The following RALB variants were observed in gnomAD, a reference collection of about 807,000 sequenced individuals.
RALB encodes the protein ras-related protein Ral-B.
RALB carries 16 observed loss-of-function variants against 21.3 expected under a neutral mutation model. The ratio of observed to expected loss-of-function variants is 0.75; its 90% CI spans 0.51 to 1.14. The LOEUF is 1.14. Ranked by LOEUF, RALB falls within the 50% of genes most tolerant of loss-of-function variation. The probability of loss-of-function intolerance (pLI) is 0.00; values close to 1 mark genes in which losing one functional copy is unlikely to be tolerated. For missense variants in RALB, 161 were observed against 256.2 expected, an observed-to-expected ratio of 0.63 and a Z score of 2.54; for synonymous variants, 93 against 96.1, an observed-to-expected ratio of 0.97 and a Z score of 0.19.
At chr2:120,259,528 T>A (rs1689292629) in intron 1 of RALB, among the ~76,000 whole-genome samples, 1 of 152,192 alleles carries the variant, frequency 6.6e-6, no homozygotes, top group African/African-American at 2.4e-5. Flanking sequence ...ACGTAAAGAC[T>A]CTCCACGTCC....
rs1444824240 is a variant in RALB at position 120,282,555 on chromosome 2, G to A, written c.115-3319G>A. ...GGTCTGGAGGTTTCTGGGTGTGTGT[G>A]TGTTGGGGAGGGGGGCGGGGGTGGG... On this transcript the variant is annotated intron_variant, in intron 2 of 4. Transcript: ENST00000272519. Among the ~76,000 whole-genome samples, 3 of 120,988 alleles carry A rather than the reference G, an allele frequency of 2.5e-5. No homozygotes were observed. The Admixed American group carries it at 2.9e-4, about 12-fold the overall frequency. The allele number at this position is 120,988 out of a possible 152,430, so 79.4% of individuals were successfully genotyped here.
chr2:120,247,027 C>T (rs927270589), intron 1 of RALB, among the ~76,000 whole-genome samples: 29 of 152,180 alleles, frequency 1.9e-4, no homozygotes, highest in African/African-American at 6.3e-4. Context: ...CATTTTATCT[C>T]GCAATGGAGT....
At position 120,252,869 on chromosome 2, in the gene RALB, C is replaced by T; in HGVS notation, c.-159C>T. On this transcript the variant is annotated 5_prime_UTR_variant, in exon 1 of 5. Coordinates refer to ENST00000272519, the MANE Select transcript of RALB (RefSeq NM_002881.3). ...GGGGGTGGGAAAGCGAGCCCGGCAG[C>T]TCAATGACAAATCGGTGGAGGACGG... 1.0e-6 allele frequency: 1 copy of T among 985,572 alleles called. No homozygotes were observed. Among genetic ancestry groups the T allele is most frequent in the Non-Finnish European group, 1.2e-6 (1 of 830,056 alleles). 61.1% of individuals were successfully genotyped at this position (985,572 alleles called of 1,614,324 possible).
chr2:120,288,189 C>T (rs1485063559), intron 3 of RALB, among the ~76,000 whole-genome samples: 1 of 152,140 alleles, frequency 6.6e-6, no homozygotes, highest in Non-Finnish European at 1.5e-5. Flanking sequence ...ATAATGATCA[C>T]ATGACTTCAA....
chr2:120,289,576 T>A lies in RALB; in HGVS notation c.324-4T>A. ...GCTGCTGTATTTTTGGTGTAACACC[T>A]TAGGGAACAGATTCTCCGTGTGAAG... On this transcript the variant is annotated splice_region_variant and splice_polypyrimidine_tract_variant and intron_variant, in intron 3 of 4. Coordinates refer to ENST00000272519, the MANE Select transcript of RALB (RefSeq NM_002881.3). The A allele has an allele frequency of 6.2e-7, 1 of 1,613,564 alleles. No individual in the cohort carries two copies. The highest frequency in any genetic ancestry group is 1.1e-5 in the South Asian group (1 of 91,046).
At chr2:120,281,817 A>G (rs1038650090) in intron 2 of RALB, among the ~76,000 whole-genome samples, 6 of 152,094 alleles carry the variant, frequency 3.9e-5, no homozygotes, top group African/African-American at 1.2e-4. Context: ...TGGGGAAGAG[A>G]GGGGGTGGTG....
At chr2:120,251,699 C>G (rs1489063587), upstream of RALB, among the ~76,000 whole-genome samples, 1 of 152,234 alleles carries the variant, frequency 6.6e-6, no homozygotes, top group Non-Finnish European at 1.5e-5. Flanking sequence ...CTGTACCTAG[C>G]AAAGTGTCTG....
At chr2:120,246,281 G>T (rs1475002494) in intron 1 of RALB, among the ~76,000 whole-genome samples, 1 of 152,174 alleles carries the variant, frequency 6.6e-6, no homozygotes, top group African/African-American at 2.4e-5. Context: ...CTGAGGGCTG[G>T]AGGAGGAAGG....
At position 120,253,590 on chromosome 2, in the gene RALB, G is replaced by A. The variant is rs967486817; in HGVS notation, c.-48+610G>A. 2.9e-5 allele frequency: 29 copies of A among 985,378 alleles called. 1 individual carries two copies. The South Asian group carries it at 1.4e-3, about 46-fold the overall frequency. The allele number at this position is 985,378 out of a possible 1,614,324, so 61.0% of individuals were successfully genotyped here. On this transcript the variant is annotated intron_variant, in intron 1 of 4. Transcript: ENST00000272519. ...GGGCATCGCCGTCCCGGTTCTTGCC[G>A]CCTGTGGGAGTGTGAGGTTAACCGT...
At chr2:120,261,871 C>G (rs1689375197) in intron 1 of RALB, among the ~76,000 whole-genome samples, 2 of 152,204 alleles carry the variant, frequency 1.3e-5, no homozygotes, top group East Asian at 3.9e-4. Context: ...AACAAGTGAG[C>G]AAGAAGGATG....
At chr2:120,289,313 C>CACTTA (rs10624494) in intron 3 of RALB, among the ~76,000 whole-genome samples, 3 of 150,698 alleles carry the variant, frequency 2.0e-5, no homozygotes, top group Non-Finnish European at 4.4e-5. Flanking sequence ...CCTATCCAGA[C>CACTTA]ACTTCTGTAA....
chr2:120,252,358 C>T (rs1254724593), upstream of RALB, among the ~76,000 whole-genome samples: 1 of 152,216 alleles, frequency 6.6e-6, no homozygotes. Context: ...CGAGTGGTGG[C>T]GGCAGGTGGA....
intron 1 of RALB, among the ~76,000 whole-genome samples, chr2:120,276,195 C>T (rs76485079): frequency 0.057 from 8,730 of 152,290 alleles, 345 homozygotes; most frequent in Non-Finnish European, 0.087. Flanking sequence ...TTGGTGCAGC[C>T]GCTGGCATGC....
chr2:120,277,360 A>T (rs3933620), intron 1 of RALB, among the ~76,000 whole-genome samples: 77,264 of 142,898 alleles, frequency 0.54, 20,324 homozygotes, highest in Middle Eastern at 0.71. Context: ...CATGTGTGTG[A>T]GAGCATGTGT....
chr2:120,261,297 A>G lies in RALB; in HGVS notation c.-48+8317A>G, dbSNP rs79084190. Among the ~76,000 whole-genome samples, 83 of 152,254 alleles carry G rather than the reference A, an allele frequency of 5.5e-4. 1 individual carries two copies. In the East Asian group the frequency reaches 0.013, roughly 23 times the overall value. Reference sequence around the variant, plus strand: ...GGAAGAAGGGTAGTGGTAGGAATTAAGTTCTTGGGCATGGTGGTGGTGGAG... The same window carrying G: ...GGAAGAAGGGTAGTGGTAGGAATTAGGTTCTTGGGCATGGTGGTGGTGGAG... On this transcript the variant is annotated intron_variant, in intron 1 of 4. Coordinates refer to ENST00000272519, the MANE Select transcript of RALB (RefSeq NM_002881.3).
Position 120,293,392 on chromosome 2 carries a change from G to A in RALB, c.*132G>A. The A allele has an allele frequency of 9.9e-7, 1 of 1,005,480 alleles. No individual in the cohort carries two copies. The highest frequency in any genetic ancestry group is 1.3e-6 in the Non-Finnish European group (1 of 743,538). 62.3% of individuals were successfully genotyped at this position (1,005,480 alleles called of 1,614,324 possible). A position where few individuals can be genotyped will look rare whatever the true frequency, so the allele number is the denominator to read the frequency against. ...TTCATTCACTCAAACTTCTTTAAAT[G>A]GGGAAAAATATTTGTGACTCTGTGG... is the stretch of plus-strand genomic sequence containing the variant. On this transcript the variant is annotated 3_prime_UTR_variant, in exon 5 of 5. Transcript: ENST00000272519.
intron 2 of RALB, 50 bp downstream of exon 2, chr2:120,278,828 G>A: frequency 6.9e-7 from 1 of 1,440,036 alleles, no homozygotes; most frequent in East Asian, 2.6e-5. Context: ...GGCCGTAGCA[G>A]TGTCCCTGCT....
Position 120,253,325 on chromosome 2 carries a change from C to T in RALB, c.-48+345C>T, listed in dbSNP as rs913372303. The T allele has an allele frequency of 6.5e-6, 6 of 917,960 alleles. No individual in the cohort carries two copies. In the South Asian group the frequency reaches 1.5e-4, roughly 23 times the overall value. The allele number at this position is 917,960 out of a possible 1,614,324, so 56.9% of individuals were successfully genotyped here. On this transcript the variant is annotated intron_variant, in intron 1 of 4. Transcript: ENST00000272519. Reference sequence around the variant, plus strand: ...TCCCGCTCGGGACCGTCCACTTCCTCAGTCCTCCGGCCGCGGCTTGGGCAG... The same window carrying T: ...TCCCGCTCGGGACCGTCCACTTCCTTAGTCCTCCGGCCGCGGCTTGGGCAG...
At chr2:120,275,482 C>G (rs1689770867) in intron 1 of RALB, among the ~76,000 whole-genome samples, 1 of 152,190 alleles carries the variant, frequency 6.6e-6, no homozygotes, top group Admixed American at 6.5e-5. Flanking sequence ...TAGAATTTCC[C>G]ATGCCCAGGT....
Sources: allele counts gnomAD v4.1 joint callset (sites outside exome capture counted in the v4.1 genomes callset), GRCh38; gene constraint gnomAD v4.1.1; transcripts MANE v1.5; gene names NCBI Gene and HGNC (gene_info 2026-07-23, HGNC 2026-07-21).